PDK1: variants seen among roughly 807,000 people sequenced by gnomAD.
PDK1 encodes the protein pyruvate dehydrogenase kinase 1.
PDK1 carries 39 observed loss-of-function variants against 54.2 expected under a neutral mutation model. The observed-to-expected ratio is 0.72, with a 90% CI of 0.56 to 0.94. PDK1 has a LOEUF of 0.94. Ranked by LOEUF, PDK1 falls within the 40% of genes least tolerant of loss-of-function variation. The pLI is 0.00. For synonymous variants in PDK1, 221 were observed against 207.1 expected (o/e 1.07, Z -0.58); for missense variants, 552 against 566.0 (o/e 0.98, Z 0.25).
chr2:172,667,554 A>G, the PDK1 span, among the ~76,000 whole-genome samples: 1 of 152,240 alleles, frequency 6.6e-6, no homozygotes, highest in Non-Finnish European at 1.5e-5. Flanking sequence ...CAAATCCTCC[A>G]GGTCAGCAAC....
intron 7 of PDK1, among the ~76,000 whole-genome samples, chr2:172,570,401 A>G (rs904769340): frequency 1.3e-5 from 2 of 152,232 alleles, no homozygotes; most frequent in Admixed American, 6.5e-5. Flanking sequence ...CTACATTTTC[A>G]AAAATGTTTT....
the PDK1 span, among the ~76,000 whole-genome samples, chr2:172,647,385 G>A: frequency 6.6e-6 from 1 of 152,100 alleles, no homozygotes; most frequent in Non-Finnish European, 1.5e-5. Context: ...ACACTGAGGA[G>A]CATATGCTGA....
chr2:172,667,328 A>G, the PDK1 span, among the ~76,000 whole-genome samples: 1 of 152,170 alleles, frequency 6.6e-6, no homozygotes, highest in South Asian at 2.1e-4. Flanking sequence ...TTTAGAATGA[A>G]CTATTTTGAA....
At chr2:172,585,760 T>G (rs1412254522) in intron 8 of PDK1, among the ~76,000 whole-genome samples, 2 of 152,082 alleles carry the variant, frequency 1.3e-5, no homozygotes, top group Non-Finnish European at 2.9e-5. Context: ...CACAGCAGTA[T>G]TATGATGGAG....
In PDK1 at chr2:172,558,465, C is replaced by A. The variant is rs76033291; in HGVS notation, c.197-243C>A. Among the ~76,000 whole-genome samples, 503 of 152,236 alleles carry A rather than the reference C, an allele frequency of 3.3e-3. 3 individuals carry two copies. Among genetic ancestry groups the A allele is most frequent in the African/African-American group, 0.011 (463 of 41,536 alleles). ...ATGCAAATTAGGGAGACAAGAGTAT[C>A]GTAATTGCTGTACAGAGCCATTGGA... On this transcript the variant is annotated intron_variant, in intron 1 of 10. Coordinates refer to ENST00000282077, the MANE Select transcript of PDK1 (RefSeq NM_002610.5).
chr2:172,606,339 G>C lies in PDK1; in HGVS notation c.*10370G>C, dbSNP rs1029642344. ...CTTAATCAAACTCTTGGCATCCACA[G>C]AAGGCTAGGAGGATGTAATGAATAC... On this transcript the variant is annotated 3_prime_UTR_variant, in exon 11 of 11. Coordinates refer to ENST00000282077, the MANE Select transcript of PDK1 (RefSeq NM_002610.5). 6.6e-6 allele frequency: 1 copy of C among 152,212 alleles called. No homozygotes were observed. The highest frequency in any genetic ancestry group is 1.5e-5 in the Non-Finnish European group (1 of 68,048). The allele number at this position is 152,212 out of a possible 1,614,324, so 9.4% of individuals were successfully genotyped here. A position where few individuals can be genotyped will look rare whatever the true frequency, so the allele number is the denominator to read the frequency against.
the PDK1 span, among the ~76,000 whole-genome samples, chr2:172,706,704 C>T: frequency 1.3e-5 from 2 of 152,318 alleles, no homozygotes; most frequent in East Asian, 3.9e-4. Flanking sequence ...GCTGGGATTA[C>T]AGATGTGAGC....
the PDK1 span, among the ~76,000 whole-genome samples, chr2:172,687,862 C>G: frequency 1.3e-5 from 2 of 152,174 alleles, no homozygotes; most frequent in Non-Finnish European, 1.5e-5. Context: ...CCTCTTCTTG[C>G]CTGCTGCCCA....
intron 2 of PDK1, 50 bp downstream of exon 2, chr2:172,558,899 T>G (rs762279708): frequency 6.5e-7 from 1 of 1,541,100 alleles, no homozygotes; most frequent in South Asian, 1.2e-5. Context: ...TGGACTTTAT[T>G]CAAGGTTACA....
the PDK1 span, among the ~76,000 whole-genome samples, chr2:172,670,145 C>T: frequency 0.29 from 43,991 of 152,086 alleles, 7,987 homozygotes; most frequent in East Asian, 0.56. Context: ...CTTCACCTCC[C>T]GGGCTCAAGT....
chr2:172,670,857 G>A, the PDK1 span, among the ~76,000 whole-genome samples: 8,019 of 152,208 alleles, frequency 0.053, 404 homozygotes, highest in East Asian at 0.22. Flanking sequence ...CAGGTCTTGA[G>A]ATAAAAGGCA....
At chr2:172,621,701 TTA>T in the PDK1 span, among the ~76,000 whole-genome samples, 3 of 146,742 alleles carry the variant, frequency 2.0e-5, no homozygotes, top group Admixed American at 6.9e-5. Context: ...ATATATATGT[TTA>T]TATATCAAAC....
In PDK1 at chr2:172,562,559, T is replaced by G. The variant is rs181791874; in HGVS notation, c.410+268T>G. On this transcript the variant is annotated intron_variant, in intron 3 of 10. Coordinates refer to ENST00000282077, the MANE Select transcript of PDK1 (RefSeq NM_002610.5). ...CCAGTTGGACTGTTCACCTGGAGGG[T>G]GCATGCTCCTTCTAATGGACAACCA... Among the ~76,000 whole-genome samples, 338 of 152,274 alleles carry G rather than the reference T, an allele frequency of 2.2e-3. 2 individuals are homozygous for G. Among genetic ancestry groups the G allele is most frequent in the African/African-American group, 7.6e-3 (315 of 41,548 alleles).
chr2:172,723,868 A>G, the PDK1 span: 2 of 152,206 alleles, frequency 1.3e-5, no homozygotes, highest in Admixed American at 1.3e-4. Context: ...AACTGTGGTC[A>G]CTGTTGGAGA....
At chr2:172,621,716 G>T in the PDK1 span, among the ~76,000 whole-genome samples, 3 of 134,278 alleles carry the variant, frequency 2.2e-5, no homozygotes, top group Non-Finnish European at 3.1e-5. Flanking sequence ...TATCAAACAT[G>T]TTATATGTTT....
At chr2:172,579,348 T>C (rs1302565614) in intron 8 of PDK1, among the ~76,000 whole-genome samples, 1 of 152,100 alleles carries the variant, frequency 6.6e-6, no homozygotes, top group Non-Finnish European at 1.5e-5. Flanking sequence ...TGATTGCATA[T>C]TGATTGGAGG....
In PDK1 at chr2:172,598,673, T is replaced by C. The variant is rs1325837880; in HGVS notation, c.*2704T>C. 1.3e-5 allele frequency: 2 copies of C among 152,248 alleles called. No individual in the cohort carries two copies. Among genetic ancestry groups the C allele is most frequent in the Non-Finnish European group, 2.9e-5 (2 of 68,040 alleles). The allele number at this position is 152,248 out of a possible 1,614,324, so 9.4% of individuals were successfully genotyped here. ...GGCTTTTGATGTCTTCATGCTTAAT[T>C]GTGATCACTTTCTTGCACTGTGATG... On this transcript the variant is annotated 3_prime_UTR_variant, in exon 11 of 11. Transcript: ENST00000282077.
the PDK1 span, among the ~76,000 whole-genome samples, chr2:172,697,843 CA>C: frequency 1.3e-5 from 2 of 152,202 alleles, no homozygotes; most frequent in Non-Finnish European, 2.9e-5. Flanking sequence ...TACATTACCA[CA>C]GCTATAGTTT....
the PDK1 span, among the ~76,000 whole-genome samples, chr2:172,665,559 G>T: frequency 6.6e-6 from 1 of 152,126 alleles, no homozygotes; most frequent in African/African-American, 2.4e-5. Flanking sequence ...GAGGCAGGTG[G>T]CTATGCTGTT....
Sources: gnomAD v4.1 joint callset for allele counts (sites outside exome capture counted in the v4.1 genomes callset) on GRCh38, gnomAD v4.1.1 for gene constraint, MANE v1.5 for transcripts, NCBI Gene and HGNC (gene_info 2026-07-23, HGNC 2026-07-21) for gene names.